FDCSP: variants seen among roughly 807,000 people sequenced by gnomAD.
FDCSP encodes the protein follicular dendritic cell secreted peptide.
Under a neutral mutation model 8.9 loss-of-function variants are expected in FDCSP, and 8 were observed. The ratio of observed to expected loss-of-function variants is 0.90; its 90% CI spans 0.53 to 1.63. The LOEUF (loss-of-function observed/expected upper bound fraction) is 1.63, where lower values mean the gene tolerates loss of function less well. FDCSP is among the 40% of genes most tolerant of loss of function. The pLI, the probability that FDCSP is intolerant of heterozygous loss-of-function variation, is 0.00. For missense variants in FDCSP, 101 were observed against 103.6 expected (o/e 0.98, Z 0.11); for synonymous variants, 34 against 34.5 (o/e 0.98, Z 0.06).
At chr4:70,231,383 G>A (rs568989429) in intron 2 of FDCSP, 132 bp downstream of exon 2, 13 of 615,922 alleles carry the variant, frequency 2.1e-5, no homozygotes, top group African/African-American at 7.7e-5. Flanking sequence ...AGTGGCTTAC[G>A]CCTGTATTCC....
intron 2 of FDCSP, among the ~76,000 whole-genome samples, chr4:70,232,721 C>T (rs1052800695): frequency 6.6e-6 from 1 of 151,630 alleles, no homozygotes; most frequent in South Asian, 2.1e-4. Context: ...GCCCTTTTAT[C>T]ATTACAGTCC....
At chr4:70,231,296 G>A (rs1222929425) in intron 2 of FDCSP, 45 bp downstream of exon 2, 3 of 1,433,222 alleles carry the variant, frequency 2.1e-6, no homozygotes, top group African/African-American at 1.4e-5. Context: ...GTATGGCCAT[G>A]TATGGCATAT....
Position 70,231,236 on chromosome 4 carries a change from G to A in FDCSP, c.42G>A (p.Val14=). ...TCCTGATCACAGCCATCTTGGCAGT[G>A]GCTGTTGGTTTCCCAGTAAGTATCC... is the stretch of plus-strand genomic sequence containing the variant. ...VLLLITAILA[V]AVGFPVSQDQ... is the part of the protein sequence containing the mutation. The change falls in exon 2 of 5, where the codon GTG becomes GTA. Residue 14 remains valine, a synonymous_variant. Coordinates refer to ENST00000317987, the MANE Select transcript of FDCSP (RefSeq NM_152997.4). 6.2e-7 allele frequency: 1 copy of A among 1,603,418 alleles called. No individual in the cohort carries two copies. The highest frequency in any genetic ancestry group is 8.5e-7 in the Non-Finnish European group (1 of 1,174,272).
chr4:70,229,576 T>C (rs1730044969), intron 1 of FDCSP, among the ~76,000 whole-genome samples: 1 of 151,730 alleles, frequency 6.6e-6, no homozygotes, highest in Non-Finnish European at 1.5e-5. Flanking sequence ...GACTCTTCCT[T>C]TCACTAGAAC....
chr4:70,231,284 A>T (rs1271684427), intron 2 of FDCSP, 33 bp downstream of exon 2: 1 of 1,439,610 alleles, frequency 6.9e-7, no homozygotes, highest in Admixed American at 2.0e-5. Context: ...CAAAATATTT[A>T]TGTATGGCCA....
At position 70,234,687 on chromosome 4, in the gene FDCSP, G is replaced by A. The variant is rs75402074; in HGVS notation, c.*29-398G>A. On this transcript the variant is annotated intron_variant, in intron 4 of 4. Coordinates refer to ENST00000317987, the MANE Select transcript of FDCSP (RefSeq NM_152997.4). ...TGTCACATTATAGTAAAATTTTAAA[G>A]GCTTCATGCTTCACCTATAACAGTG... 3.1e-3 allele frequency among the ~76,000 whole-genome samples: 474 copies of A among 151,302 alleles called. 21 individuals carry two copies. The East Asian group carries it at 0.086, about 27-fold the overall frequency.
chr4:70,232,910 T>C (rs1176211021), intron 2 of FDCSP, 84 bp from the exon 3 acceptor site: 6 of 1,066,124 alleles, frequency 5.6e-6, no homozygotes, highest in Non-Finnish European at 8.3e-6. Flanking sequence ...CAATATTAGG[T>C]AATAGATTGT....
intron 4 of FDCSP, 120 bp from the exon 5 acceptor site, chr4:70,234,965 C>T (rs1730151423): frequency 6.6e-6 from 1 of 151,480 alleles, no homozygotes; most frequent in East Asian, 1.9e-4. Flanking sequence ...GATGGTTTCC[C>T]AGTCCTTGAA....
rs1360411413 is a variant in FDCSP, at chr4:70,231,102, G to T, written c.1-93G>T. On this transcript the variant is annotated intron_variant, in intron 1 of 4. Transcript: ENST00000317987. The stretch of plus-strand genomic sequence containing the variant: ...TGTCAAATAATTCGTACTTTAACTG[G>T]ATCTTTTAAATTCATGGTCTTTTAG... 8.2e-6 allele frequency: 8 copies of T among 970,570 alleles called. No individual in the cohort carries two copies. In the Admixed American group the frequency reaches 1.5e-4, roughly 18 times the overall value. 60.1% of individuals were successfully genotyped at this position (970,570 alleles called of 1,614,324 possible). A position where few individuals can be genotyped will look rare whatever the true frequency, so the allele number is the denominator to read the frequency against.
At chr4:70,229,228 T>A (rs1730039231) in intron 1 of FDCSP, among the ~76,000 whole-genome samples, 3 of 151,748 alleles carry the variant, frequency 2.0e-5, no homozygotes, top group Admixed American at 2.0e-4. Flanking sequence ...CTTCCAACTT[T>A]TCATCTGCAG....
chr4:70,228,831 T>G (rs1439854718), intron 1 of FDCSP, among the ~76,000 whole-genome samples: 2 of 151,930 alleles, frequency 1.3e-5, no homozygotes, highest in South Asian at 4.1e-4. Flanking sequence ...AAAATATTAG[T>G]AAACCATGCT....
chr4:70,226,374 C>CT lies in FDCSP; in HGVS notation c.-1+199dup, dbSNP rs149616519. Among the ~76,000 whole-genome samples, 1,114 of 151,862 alleles carry CT rather than the reference C, an allele frequency of 7.3e-3. 13 individuals carry two copies. Among genetic ancestry groups the CT allele is most frequent in the African/African-American group, 0.025 (1,050 of 41,484 alleles). ...CATTTTTAGTATTCTGTTTGCAAAA[C>CT]TTTTTTTAAAATCACCACCCTGCTG... On this transcript the variant is annotated intron_variant, in intron 1 of 4. Transcript: ENST00000317987.
intron 4 of FDCSP, 149 bp downstream of exon 4, chr4:70,234,364 C>T (rs1245485908): frequency 3.2e-5 from 20 of 622,724 alleles, no homozygotes; most frequent in East Asian, 2.8e-4. Context: ...GATACTGTCA[C>T]GTGTGTCCAC....
chr4:70,227,477 G>C (rs934163915), intron 1 of FDCSP, among the ~76,000 whole-genome samples: 18 of 151,600 alleles, frequency 1.2e-4, no homozygotes, highest in Non-Finnish European at 2.4e-4. Context: ...ATCAAAAGGT[G>C]ATAAAATTTC....
At chr4:70,234,891 G>GA (rs1174722424) in intron 4 of FDCSP, among the ~76,000 whole-genome samples, 194 bp from the exon 5 acceptor site, 1 of 150,804 alleles carries the variant, frequency 6.6e-6, no homozygotes, top group Non-Finnish European at 1.5e-5. Flanking sequence ...ACTGTTCTAG[G>GA]AAAAAAATAT....
intron 2 of FDCSP, 142 bp downstream of exon 2, chr4:70,231,393 C>T (rs1730080345): frequency 1.7e-6 from 1 of 572,356 alleles, no homozygotes; most frequent in Admixed American, 3.6e-5. Context: ...GCCTGTATTC[C>T]CTGTAATTTG....
At chr4:70,230,441 TATA>T (rs1730060307) in intron 1 of FDCSP, among the ~76,000 whole-genome samples, 1 of 151,802 alleles carries the variant, frequency 6.6e-6, no homozygotes, top group Admixed American at 6.6e-5. Context: ...TTTTCTCAAA[TATA>T]ATATTAACAA....
At chr4:70,234,261 T>C (rs1443477112) in intron 4 of FDCSP, 46 bp downstream of exon 4, 13 of 1,417,942 alleles carry the variant, frequency 9.2e-6, no homozygotes, top group Non-Finnish European at 1.2e-5. Flanking sequence ...AGTTTGCAGA[T>C]TGGAATCCAT....
chr4:70,230,061 G>A lies in FDCSP; in HGVS notation c.1-1134G>A, dbSNP rs148699960. 2.8e-3 allele frequency among the ~76,000 whole-genome samples: 426 copies of A among 151,752 alleles called. 6 individuals are homozygous for A. Among genetic ancestry groups the A allele is most frequent in the African/African-American group, 9.4e-3 (390 of 41,474 alleles). The stretch of plus-strand genomic sequence containing the variant: ...AAGTGCAATAAAATGAGGTGTGCCT[G>A]TATATACACAACACCTAGAATAACA... On this transcript the variant is annotated intron_variant, in intron 1 of 4. Transcript: ENST00000317987.
Sources: allele counts gnomAD v4.1 joint callset (sites outside exome capture counted in the v4.1 genomes callset), GRCh38; gene constraint gnomAD v4.1.1; transcripts MANE v1.5; gene names NCBI Gene and HGNC (gene_info 2026-07-23, HGNC 2026-07-21).